Variants in ATP8B1 observed in about 807,000 individuals in gnomAD.
ATP8B1 encodes the protein phospholipid-transporting ATPase IC.
A neutral mutation model predicts 149.9 loss-of-function variants in ATP8B1; 80 were observed. The ratio of observed to expected loss-of-function variants is 0.53; its 90% CI spans 0.45 to 0.64. The LOEUF (loss-of-function observed/expected upper bound fraction) is 0.64. ATP8B1 is among the 30% of genes least tolerant of loss of function. The pLI is 0.00. For missense variants in ATP8B1, 1,247 were observed against 1,552.6 expected (o/e 0.80, Z 3.31); for synonymous variants, 536 against 562.8 (o/e 0.95, Z 0.67).
intron 15 of ATP8B1, among the ~76,000 whole-genome samples, chr18:57,680,585 AAAAACAAAACAAAAC>A (rs75854777): frequency 1.4e-5 from 2 of 144,020 alleles, no homozygotes; most frequent in African/African-American, 2.6e-5. Context: ...ACTTGGTCTC[AAAAACAAAACAAAAC>A]AAAACAAAAC....
chr18:57,696,403 T>C (rs1009219358), intron 8 of ATP8B1, among the ~76,000 whole-genome samples: 3 of 152,132 alleles, frequency 2.0e-5, no homozygotes, highest in Admixed American at 6.5e-5. Flanking sequence ...CATAATCCAA[T>C]TTGGGTATAG....
In ATP8B1 at chr18:57,655,392, A is replaced by G; in HGVS notation, c.2733T>C (p.Ser911=). The G allele has an allele frequency of 1.2e-6, 2 of 1,614,252 alleles. No individual in the cohort carries two copies. The highest frequency in any genetic ancestry group is 1.7e-6 in the Non-Finnish European group (2 of 1,180,046). Residue 911 remains serine (S), a synonymous_variant, in exon 23 of 28, where the codon AGT becomes AGC. Coordinates refer to ENST00000648908, the MANE Select transcript of ATP8B1 (RefSeq NM_001374385.1). ...TGACAGCTTGCATTCCTTCTTGTCC[A>G]CTTATTCCAACGCCAATGTGGGCAG... The part of the protein sequence containing the change: ...IKTAHIGVGI[S]GQEGMQAVMS...
At chr18:57,747,412 C>T (rs997437871) in intron 1 of ATP8B1, among the ~76,000 whole-genome samples, 2 of 150,740 alleles carry the variant, frequency 1.3e-5, no homozygotes, top group Non-Finnish European at 3.0e-5. Context: ...GAGACCCCAC[C>T]ACTGCACTCC....
intron 15 of ATP8B1, among the ~76,000 whole-genome samples, chr18:57,676,717 C>CAAAAAAAAAAAA (rs58101846): frequency 1.2e-4 from 11 of 92,194 alleles, no homozygotes; most frequent in East Asian, 3.4e-4. Context: ...GACTCCATTT[C>CAAAAAAAAAAAA]AAAAAAAAAA....
In ATP8B1 at chr18:57,696,563, G is replaced by T. The variant is rs961016703; in HGVS notation, c.699-1031C>A. On this transcript the variant is annotated intron_variant, in intron 8 of 27. Transcript: ENST00000648908. ...TTTTTCCGCCAAAAAAAAAAAAAAA[G>T]TGTGATAGATTTCCAACAGTCAATT... Among the ~76,000 whole-genome samples the T allele has an allele frequency of 6.7e-4, 73 of 109,712 alleles. 1 individual carries two copies. The highest frequency in any genetic ancestry group is 2.3e-3 in the African/African-American group (68 of 29,972). 72.0% of individuals were successfully genotyped at this position (109,712 alleles called of 152,430 possible). A position where few individuals can be genotyped will look rare whatever the true frequency, so the allele number is the denominator to read the frequency against.
intron 1 of ATP8B1, among the ~76,000 whole-genome samples, chr18:57,798,675 T>C (rs2571220): frequency 0.34 from 51,169 of 151,894 alleles, 9,888 homozygotes; most frequent in East Asian, 0.55. Flanking sequence ...ACTGATGTGA[T>C]GGGTAAAGGG....
At chr18:57,713,156 T>C (rs1394895971) in intron 2 of ATP8B1, among the ~76,000 whole-genome samples, 1 of 125,160 alleles carries the variant, frequency 8.0e-6, no homozygotes, top group Non-Finnish European at 1.7e-5. Context: ...TCTTGATCTT[T>C]CTCTTTCTTT....
At chr18:57,762,217 C>A (rs1160737496) in intron 1 of ATP8B1, among the ~76,000 whole-genome samples, 1 of 151,586 alleles carries the variant, frequency 6.6e-6, no homozygotes, top group Non-Finnish European at 1.5e-5. Context: ...CGGCTCACTG[C>A]AACCCCCATT....
rs1909234322 is a variant in ATP8B1 at position 57,647,256 on chromosome 18, T to G, written c.*1232A>C. The G allele has an allele frequency of 6.6e-6, 1 of 152,216 alleles. No individual in the cohort carries two copies. The highest frequency in any genetic ancestry group is 2.4e-5 in the African/African-American group (1 of 41,466). 9.4% of individuals were successfully genotyped at this position (152,216 alleles called of 1,614,324 possible). On this transcript the variant is annotated 3_prime_UTR_variant, in exon 28 of 28. Coordinates refer to ENST00000648908, the MANE Select transcript of ATP8B1 (RefSeq NM_001374385.1). ...TAAAAAATGAGAGTAGGGAATCAAA[T>G]CATTTGGTACTATGGGAAGCTGCTA... is the stretch of plus-strand genomic sequence containing the variant.
chr18:57,799,141 G>A (rs2080548351), intron 1 of ATP8B1, among the ~76,000 whole-genome samples: 1 of 152,164 alleles, frequency 6.6e-6, no homozygotes, highest in African/African-American at 2.4e-5. Context: ...TTACAGATGA[G>A]GAAACTGAAG....
At chr18:57,721,163 T>C (rs319414) in intron 2 of ATP8B1, among the ~76,000 whole-genome samples, 6,605 of 82,190 alleles carry the variant, frequency 0.08, 383 homozygotes, top group East Asian at 0.17. Flanking sequence ...TAAAGACCAT[T>C]GAGACTAGGA....
Position 57,770,442 on chromosome 18 carries a change from C to T in ATP8B1, c.-26+32556G>A, listed in dbSNP as rs2080254621. Among the ~76,000 whole-genome samples the T allele has an allele frequency of 2.6e-5, 4 of 152,214 alleles. No homozygotes were observed. The South Asian group carries it at 8.3e-4, about 32-fold the overall frequency. Reference sequence around the variant, plus strand: ...GCCTGTGTTCTATATGCAATGGCACCACAGAATTTAGTTACCATCCACTTT... The same window carrying T: ...GCCTGTGTTCTATATGCAATGGCACTACAGAATTTAGTTACCATCCACTTT... On this transcript the variant is annotated intron_variant, in intron 1 of 27. Coordinates refer to ENST00000648908, the MANE Select transcript of ATP8B1 (RefSeq NM_001374385.1).
chr18:57,667,123 C>G lies in ATP8B1; in HGVS notation c.2254G>C (p.Asp752His). The stretch of plus-strand genomic sequence containing the variant: ...TCCTCCCCATAGCAGATGGTGGTGT[C>G]TTCAGTCAGAAGTTCACAAGCAAAT... ...IGFACELLTE[D>H]TTICYGEDIN... Residue 752 changes from aspartate (D) to histidine (H), a missense_variant, in exon 20 of 28, where the codon GAC becomes CAC. By Grantham distance (81) the Asp-to-His change is moderately conservative. Around this residue, in one of 3 missense-constraint regions of ATP8B1, gnomAD observed 853 missense variants for 1,035.7 expected, o/e 0.82. Transcript: ENST00000648908. 6.2e-7 allele frequency: 1 copy of G among 1,613,466 alleles called. No individual in the cohort carries two copies. The highest frequency in any genetic ancestry group is 8.5e-7 in the Non-Finnish European group (1 of 1,179,334).
At chr18:57,794,645 C>T (rs1420372499) in intron 1 of ATP8B1, among the ~76,000 whole-genome samples, 1 of 151,932 alleles carries the variant, frequency 6.6e-6, no homozygotes, top group Non-Finnish European at 1.5e-5. Flanking sequence ...ATATGACGGT[C>T]ATGGTGGTGC....
intron 25 of ATP8B1, 114 bp downstream of exon 25, chr18:57,652,370 T>A: frequency 6.6e-7 from 1 of 1,510,062 alleles, no homozygotes; most frequent in Non-Finnish European, 9.2e-7. Flanking sequence ...AGCATTTATA[T>A]TTTGTAAGTG....
intron 18 of ATP8B1, chr18:57,668,858 C>G (rs1467942102): frequency 1.1e-5 from 3 of 283,168 alleles, no homozygotes; most frequent in Non-Finnish European, 1.3e-5. Flanking sequence ...AACCGTAAAC[C>G]AGTTGCAATA....
chr18:57,776,809 T>C (rs999863754), intron 1 of ATP8B1, among the ~76,000 whole-genome samples: 34 of 152,204 alleles, frequency 2.2e-4, no homozygotes, highest in African/African-American at 7.7e-4. Context: ...CATTTCCTAA[T>C]ATGTTATTTT....
Position 57,655,362 on chromosome 18 carries a change from C to A in ATP8B1, c.2763G>T (p.Ser921=), listed in dbSNP as rs758180192. 1.2e-6 allele frequency: 2 copies of A among 1,614,186 alleles called. No homozygotes were observed. Among genetic ancestry groups the A allele is most frequent in the Non-Finnish European group, 1.7e-6 (2 of 1,180,044 alleles). Reference sequence around the variant, plus strand: ...GGAACTGAGCAAAGGAATAGTCACTCGACATGACAGCTTGCATTCCTTCTT... The same window carrying A: ...GGAACTGAGCAAAGGAATAGTCACTAGACATGACAGCTTGCATTCCTTCTT... ...SGQEGMQAVM[S]SDYSFAQFRY... Residue 921 remains serine, a synonymous_variant, in exon 23 of 28, where the codon TCG becomes TCT. Transcript: ENST00000648908.
intron 2 of ATP8B1, among the ~76,000 whole-genome samples, chr18:57,709,173 A>T (rs1213053923): frequency 1.3e-5 from 2 of 152,016 alleles, no homozygotes; most frequent in Non-Finnish European, 2.9e-5. Context: ...ATTGATGTCT[A>T]CTCTTTATTC....
Sources: allele counts gnomAD v4.1 joint callset (sites outside exome capture counted in the v4.1 genomes callset), GRCh38; gene constraint gnomAD v4.1.1; regional missense constraint gnomAD v4.1.1; transcripts MANE v1.5; gene names NCBI Gene and HGNC (gene_info 2026-07-23, HGNC 2026-07-21).